Variants in INPP5K observed in about 807,000 individuals in gnomAD.
The protein encoded by INPP5K is inositol polyphosphate 5-phosphatase K.
Under a neutral mutation model 53.5 loss-of-function variants are expected in INPP5K, and 35 were observed. The observed-to-expected ratio is 0.65, with a 90% CI of 0.50 to 0.87. INPP5K has a LOEUF of 0.87. INPP5K is among the 40% of genes least tolerant of loss of function. The pLI is 0.00. For missense variants in INPP5K, 550 were observed against 586.2 expected (o/e 0.94, Z 0.64); for synonymous variants, 253 against 232.8 (o/e 1.09, Z -0.79).
chr17:1,499,951 T>C (rs1038604563), intron 7 of INPP5K, among the ~76,000 whole-genome samples: 1 of 152,246 alleles, frequency 6.6e-6, no homozygotes, highest in African/African-American at 2.4e-5. Flanking sequence ...TACCTACCTA[T>C]TGATTGATCA....
At chr17:1,496,520 C>T in intron 9 of INPP5K, 118 bp from the exon 10 acceptor site, 3 of 1,330,210 alleles carry the variant, frequency 2.3e-6, no homozygotes, top group Non-Finnish European at 2.1e-6. Flanking sequence ...CTCCCCGCCG[C>T]CCTTCACTGC....
chr17:1,511,886 C>CGGGGGGGGGGGGGGA (rs1567563767), intron 3 of INPP5K, among the ~76,000 whole-genome samples: 1 of 124,126 alleles, frequency 8.1e-6, no homozygotes, highest in Non-Finnish European at 1.7e-5. Context: ...AGGGTGGGGT[C>CGGGGGGGGGGGGGGA]GGGGCAGGAC....
rs750107084 is a variant in INPP5K, at chr17:1,496,813, G to T, written c.964-10C>A. ...ACACCAATGGCTTCAGCTAGACACGGGGGTGGGAAGGGGGCTGAATCTCGC... is the reference window on the plus strand; with the variant it reads ...ACACCAATGGCTTCAGCTAGACACGTGGGTGGGAAGGGGGCTGAATCTCGC... On this transcript the variant is annotated splice_polypyrimidine_tract_variant and intron_variant, in intron 8 of 11. Transcript: ENST00000421807. 8.7e-6 allele frequency: 14 copies of T among 1,613,290 alleles called. No homozygotes were observed. The highest frequency in any genetic ancestry group is 1.2e-5 in the Non-Finnish European group (14 of 1,179,634).
At chr17:1,515,324 A>G (rs1192560394) in intron 1 of INPP5K, 2 of 549,658 alleles carry the variant, frequency 3.6e-6, no homozygotes, top group Non-Finnish European at 4.6e-6. Context: ...CATCAGTTGG[A>G]TATTTTCCAC....
chr17:1,506,734 A>ACACCCC (rs2075164167), intron 7 of INPP5K, among the ~76,000 whole-genome samples: 1 of 151,648 alleles, frequency 6.6e-6, no homozygotes, highest in Non-Finnish European at 1.5e-5. Context: ...TCTATCTGTA[A>ACACCCC]CACCCCCACC....
At chr17:1,511,286 T>C (rs1269613252) in intron 3 of INPP5K, among the ~76,000 whole-genome samples, 2 of 151,966 alleles carry the variant, frequency 1.3e-5, no homozygotes, top group Non-Finnish European at 2.9e-5. Context: ...GGGCTACCTG[T>C]ATTGTAAAAC....
At chr17:1,507,143 G>C in intron 6 of INPP5K, 54 bp from the exon 7 acceptor site, 1 of 1,347,106 alleles carries the variant, frequency 7.4e-7, no homozygotes, top group Non-Finnish European at 1.1e-6. Context: ...CAGTGGCCCA[G>C]TACCACACTC....
chr17:1,513,043 T>C (rs1175725184), intron 3 of INPP5K, among the ~76,000 whole-genome samples: 1 of 152,180 alleles, frequency 6.6e-6, no homozygotes, highest in Non-Finnish European at 1.5e-5. Context: ...ATAACATATA[T>C]ACTATAAAGA....
intron 3 of INPP5K, among the ~76,000 whole-genome samples, chr17:1,511,840 G>A (rs1488865352): frequency 1.5e-5 from 2 of 130,766 alleles, no homozygotes; most frequent in Non-Finnish European, 3.2e-5. Flanking sequence ...ACACTGGCTC[G>A]CTTTGTGAAG....
intron 7 of INPP5K, among the ~76,000 whole-genome samples, chr17:1,505,825 T>C (rs147133076): frequency 0.01 from 1,596 of 152,306 alleles, 30 homozygotes; most frequent in African/African-American, 0.036. Flanking sequence ...ATGAACAAGC[T>C]GCTCCCGCTG....
In INPP5K at chr17:1,516,500, G is replaced by C. The variant is rs1460453845; in HGVS notation, c.-1C>G. The C allele has an allele frequency of 1.3e-6, 2 of 1,580,516 alleles. No individual in the cohort carries two copies. Among genetic ancestry groups the C allele is most frequent in the Non-Finnish European group, 1.7e-6 (2 of 1,172,774 alleles). Reference sequence around the variant, plus strand: ...GCCCGCTCAGCTTCCGCGAGCTCATGGCCGCCGTCGTCCCCGCGCGGTGGT... The same window carrying C: ...GCCCGCTCAGCTTCCGCGAGCTCATCGCCGCCGTCGTCCCCGCGCGGTGGT... On this transcript the variant is annotated 5_prime_UTR_variant, in exon 1 of 12. Coordinates refer to ENST00000421807, the MANE Select transcript of INPP5K (RefSeq NM_016532.4).
chr17:1,508,845 G>A (rs56689034), intron 5 of INPP5K: 5 of 286,790 alleles, frequency 1.7e-5, no homozygotes, highest in African/African-American at 1.4e-4. Context: ...GGGGGTCAGC[G>A]TGGGGCAGAG....
intron 7 of INPP5K, among the ~76,000 whole-genome samples, chr17:1,499,195 C>T (rs1431064805): frequency 6.6e-6 from 1 of 152,202 alleles, no homozygotes; most frequent in Non-Finnish European, 1.5e-5. Flanking sequence ...GCCATGCACA[C>T]TGGCCTTTAT....
At position 1,497,838 on chromosome 17, in the gene INPP5K, G is replaced by T. The variant is rs1598361177; in HGVS notation, c.963+98C>A. 13 of 1,126,918 alleles carry T rather than the reference G, an allele frequency of 1.2e-5. No individual in the cohort carries two copies. In the East Asian group the frequency reaches 2.9e-4, roughly 25 times the overall value. The allele number at this position is 1,126,918 out of a possible 1,614,324, so 69.8% of individuals were successfully genotyped here. On this transcript the variant is annotated intron_variant, in intron 8 of 11. Coordinates refer to ENST00000421807, the MANE Select transcript of INPP5K (RefSeq NM_016532.4). ...ATCATGGCCTCCACAGGTCTCCCCT[G>T]GGGGACTGGCTGACATTCGAATCCA...
chr17:1,501,867 ACAC>A (rs1387417001), intron 7 of INPP5K, among the ~76,000 whole-genome samples: 57 of 151,608 alleles, frequency 3.8e-4, no homozygotes, highest in African/African-American at 1.1e-3. Flanking sequence ...AAACACACAC[ACAC>A]ACACACACAC....
Position 1,496,131 on chromosome 17 carries a change from C to T in INPP5K, c.1219G>A (p.Glu407Lys), listed in dbSNP as rs1411342299. ...TAGTAACAGAGGAGAAACTCATCTT[C>T]AGTGGTAGGGATATTGCTGATGTCG... ...YIDISNIPTTEDEFLLCYYSN... is the reference protein window; with the variant it reads ...YIDISNIPTTKDEFLLCYYSN... Residue 407 changes from glutamate (E) to lysine (K), a missense_variant, in exon 11 of 12, where the codon GAA becomes AAA. By Grantham distance (56) the Glu-to-Lys change is moderately conservative. Coordinates refer to ENST00000421807, the MANE Select transcript of INPP5K (RefSeq NM_016532.4). The T allele has an allele frequency of 6.2e-7, 1 of 1,613,414 alleles. No individual in the cohort carries two copies. The highest frequency in any genetic ancestry group is 1.1e-5 in the South Asian group (1 of 91,068).
chr17:1,495,694 G>C lies in INPP5K; in HGVS notation c.*129C>G, dbSNP rs2074811370. 1.4e-5 allele frequency: 9 copies of C among 658,840 alleles called. No homozygotes were observed. The highest frequency in any genetic ancestry group is 2.4e-5 in the Non-Finnish European group (9 of 369,492). The allele number at this position is 658,840 out of a possible 1,614,324, so 40.8% of individuals were successfully genotyped here. ...TGAGCCTGGTTAGAGCTCACTCTGGGAGGAGTATGTGGACGACACTTGGCT... is the reference window on the plus strand; with the variant it reads ...TGAGCCTGGTTAGAGCTCACTCTGGCAGGAGTATGTGGACGACACTTGGCT... On this transcript the variant is annotated 3_prime_UTR_variant, in exon 12 of 12. Coordinates refer to ENST00000421807, the MANE Select transcript of INPP5K (RefSeq NM_016532.4).
In INPP5K at chr17:1,495,997, C is replaced by T. The variant is rs539085711; in HGVS notation, c.1290+63G>A. ...TACCGGCTGGCTCCCAGGCCTGGGC[C>T]TCAGGGAGCCAGTGATGAGCTCAAG... is the stretch of plus-strand genomic sequence containing the variant. On this transcript the variant is annotated intron_variant, in intron 11 of 11. Coordinates refer to ENST00000421807, the MANE Select transcript of INPP5K (RefSeq NM_016532.4). 8 of 1,421,340 alleles carry T rather than the reference C, an allele frequency of 5.6e-6. No individual in the cohort carries two copies. The African/African-American group carries it at 9.9e-5, about 18-fold the overall frequency. The allele number at this position is 1,421,340 out of a possible 1,614,324, so 88.0% of individuals were successfully genotyped here.
intron 7 of INPP5K, 79 bp from the exon 8 acceptor site, chr17:1,498,201 A>G: frequency 8.0e-7 from 1 of 1,250,478 alleles, no homozygotes; most frequent in Non-Finnish European, 1.1e-6. Context: ...AGCCCACATG[A>G]GCTTGCTGGA....
Sources: allele counts gnomAD v4.1 joint callset (sites outside exome capture counted in the v4.1 genomes callset), GRCh38; gene constraint gnomAD v4.1.1; transcripts MANE v1.5; gene names NCBI Gene and HGNC (gene_info 2026-07-23, HGNC 2026-07-21).